Variants in UGT1A10 observed in about 807,000 individuals in gnomAD.
UGT1A10 encodes the protein UDP-glucuronosyltransferase 1A10.
A neutral mutation model predicts 45.8 loss-of-function variants in UGT1A10; 49 were observed. The observed-to-expected ratio is 1.07, with a 90% CI of 0.85 to 1.36. The LOEUF is 1.36. UGT1A10 is among the 40% of genes most tolerant of loss of function. The pLI is 0.00. For missense variants in UGT1A10, 745 were observed against 668.6 expected (o/e 1.11, Z -1.26); for synonymous variants, 284 against 249.7 (o/e 1.14, Z -1.29).
chr2:233,755,215 T>TA (rs1473276470), intron 1 of UGT1A10: 1 of 1,037,208 alleles, frequency 9.6e-7, no homozygotes, highest in Admixed American at 1.9e-5. Context: ...GCCTTCTTGA[T>TA]ACCCTCGGAC....
At chr2:233,704,941 G>C (rs188324703) in intron 1 of UGT1A10, among the ~76,000 whole-genome samples, 1 of 152,254 alleles carries the variant, frequency 6.6e-6, no homozygotes, top group East Asian at 1.9e-4. Context: ...ATCAAGACCA[G>C]CCTGGCCAAC....
Position 233,660,257 on chromosome 2 carries a change from T to C in UGT1A10, c.855+22880T>C, listed in dbSNP as rs372965408. The stretch of plus-strand genomic sequence containing the variant: ...TTCGCCCCGCTGACATTCTCTTCCA[T>C]AGTGTTGACAATCCTTTCCATAGAA... On this transcript the variant is annotated intron_variant, in intron 1 of 4. Coordinates refer to ENST00000344644, the MANE Select transcript of UGT1A10 (RefSeq NM_019075.4). Among the ~76,000 whole-genome samples, 3 of 152,158 alleles carry C rather than the reference T, an allele frequency of 2.0e-5. No individual in the cohort carries two copies. The East Asian group carries it at 5.8e-4, about 29-fold the overall frequency.
At chr2:233,724,549 A>G (rs2077280351) in intron 1 of UGT1A10, among the ~76,000 whole-genome samples, 1 of 120,476 alleles carries the variant, frequency 8.3e-6, no homozygotes, top group Non-Finnish European at 1.7e-5. Flanking sequence ...GGCGCTCCTC[A>G]CATCCCAGAT....
intron 1 of UGT1A10, among the ~76,000 whole-genome samples, chr2:233,683,644 C>T (rs1038099804): frequency 1.3e-5 from 2 of 152,092 alleles, no homozygotes; most frequent in African/African-American, 2.4e-5. Context: ...AAATTTTGCA[C>T]TTTATAAAAG....
intron 1 of UGT1A10, chr2:233,672,710 T>C (rs1411947068): frequency 6.2e-7 from 1 of 1,613,972 alleles, no homozygotes; most frequent in South Asian, 1.1e-5. Context: ...GACTTTGTTT[T>C]GGACTATCCC....
At chr2:233,747,739 T>G in intron 1 of UGT1A10, 1 of 1,613,426 alleles carries the variant, frequency 6.2e-7, no homozygotes, top group African/African-American at 1.3e-5. Context: ...TTGAGGAACA[T>G]TCCATGTGAT....
At chr2:233,675,353 T>A (rs1030816419) in intron 1 of UGT1A10, among the ~76,000 whole-genome samples, 1 of 152,190 alleles carries the variant, frequency 6.6e-6, no homozygotes, top group Non-Finnish European at 1.5e-5. Context: ...AACATTGAAA[T>A]AGTTTTAATG....
chr2:233,636,963 G>C lies in UGT1A10; in HGVS notation c.441G>C (p.Leu147=), dbSNP rs766629881. ...AGAGTTCTTTTGATGCAGTGTTTCT[G>C]GATCCTTTTGATACCTGTGGCTTAA... ...LKESSFDAVF[L]DPFDTCGLIV... is the part of the protein sequence containing the mutation. Residue 147 remains leucine, a synonymous_variant, in exon 1 of 5, where the codon CTG becomes CTC. Transcript: ENST00000344644. 2.3e-5 allele frequency: 37 copies of C among 1,613,896 alleles called. 1 individual carries two copies. In the South Asian group the frequency reaches 2.6e-4, roughly 11 times the overall value.
At chr2:233,766,404 G>T (rs990056235) in intron 1 of UGT1A10, among the ~76,000 whole-genome samples, 1 of 152,164 alleles carries the variant, frequency 6.6e-6, no homozygotes. Flanking sequence ...GCGTCCCTCC[G>T]CTGATGTGCT....
At chr2:233,682,619 T>C (rs2074587451) in intron 1 of UGT1A10, 1 of 1,613,920 alleles carries the variant, frequency 6.2e-7, no homozygotes, top group Non-Finnish European at 8.5e-7. Context: ...CAAAAATGTC[T>C]TAGAAATAGC....
intron 1 of UGT1A10, among the ~76,000 whole-genome samples, chr2:233,749,743 T>C (rs1694265349): frequency 1.3e-5 from 2 of 151,904 alleles, no homozygotes; most frequent in Non-Finnish European, 2.9e-5. Context: ...GGTCTCATCA[T>C]AGTGAGTGAG....
At chr2:233,685,615 C>A (rs1304035336) in intron 1 of UGT1A10, among the ~76,000 whole-genome samples, 1 of 152,224 alleles carries the variant, frequency 6.6e-6, no homozygotes, top group Non-Finnish European at 1.5e-5. Context: ...TTTATTTCAA[C>A]TTTTTATCAT....
chr2:233,678,135 A>G (rs1350743843), intron 1 of UGT1A10, among the ~76,000 whole-genome samples: 1 of 152,216 alleles, frequency 6.6e-6, no homozygotes, highest in Non-Finnish European at 1.5e-5. Flanking sequence ...TTGGGCATAA[A>G]GATGGCAACA....
chr2:233,744,768 G>A (rs116261344), intron 1 of UGT1A10, among the ~76,000 whole-genome samples: 5,132 of 151,930 alleles, frequency 0.034, 157 homozygotes, highest in African/African-American at 0.051. Context: ...TTTTAACTTT[G>A]CAAAATTCTC....
intron 1 of UGT1A10, chr2:233,690,841 G>T: frequency 9.4e-7 from 1 of 1,069,274 alleles, no homozygotes; most frequent in South Asian, 2.9e-5. Context: ...AAAGAAAAAT[G>T]TTTTCTAATA....
intron 1 of UGT1A10, among the ~76,000 whole-genome samples, chr2:233,684,334 A>T (rs2074675170): frequency 6.6e-6 from 1 of 152,198 alleles, no homozygotes; most frequent in Admixed American, 6.5e-5. Flanking sequence ...GGACGCTAAG[A>T]GGATAGACTT....
chr2:233,682,768 T>C (rs200244233), intron 1 of UGT1A10: 6 of 1,613,586 alleles, frequency 3.7e-6, no homozygotes, highest in African/African-American at 2.7e-5. Flanking sequence ...GTATCAACTG[T>C]CATCAGGGAA....
At chr2:233,659,834 G>A (rs897718369) in intron 1 of UGT1A10, among the ~76,000 whole-genome samples, 9 of 152,206 alleles carry the variant, frequency 5.9e-5, no homozygotes, top group Non-Finnish European at 1.2e-4. Context: ...TTCAATAATC[G>A]GAATCCTTCT....
At position 233,646,129 on chromosome 2, in the gene UGT1A10, A is replaced by G. The variant is rs111339051; in HGVS notation, c.855+8752A>G. ...AAGGCTCGGCACTTGCACCTTCTGA[A>G]GCCATGGTGTGAGCTGTACTTTGGC... is the stretch of plus-strand genomic sequence containing the variant. On this transcript the variant is annotated intron_variant, in intron 1 of 4. Transcript: ENST00000344644. Among the ~76,000 whole-genome samples, 1,262 of 152,280 alleles carry G rather than the reference A, an allele frequency of 8.3e-3. 21 individuals carry two copies. The highest frequency in any genetic ancestry group is 0.028 in the African/African-American group (1,178 of 41,562).
Sources: gnomAD v4.1 joint callset for allele counts (sites outside exome capture counted in the v4.1 genomes callset) on GRCh38, gnomAD v4.1.1 for gene constraint, MANE v1.5 for transcripts, NCBI Gene and HGNC (gene_info 2026-07-23, HGNC 2026-07-21) for gene names.